Variants in BLOC1S4 observed in about 807,000 individuals in gnomAD.
BLOC1S4 encodes the protein biogenesis of lysosome-related organelles complex 1 subunit 4.
For synonymous variants in BLOC1S4, 179 were observed against 143.7 expected (o/e 1.25, Z -1.76); for missense variants, 332 against 308.8 (o/e 1.07, Z -0.56).
In BLOC1S4 at chr4:6,716,644, G is replaced by T. The variant is rs775259502; in HGVS notation, c.435G>T (p.Val145=). Residue 145 remains valine (V), a synonymous_variant, in exon 1 of 1, where the codon GTG becomes GTT. Transcript: ENST00000320776. ...IDRLEAFVRM[V]GGRVARMEEQ... ...GGCTGGAGGCCTTCGTGAGGATGGT[G>T]GGGGGCCGCGTGGCCAGGATGGAGG... 3 of 1,609,350 alleles carry T rather than the reference G, an allele frequency of 1.9e-6. No homozygotes were observed. Among genetic ancestry groups the T allele is most frequent in the Non-Finnish European group, 1.7e-6 (2 of 1,179,562 alleles).
Position 6,716,375 on chromosome 4 carries a change from C to G in BLOC1S4, c.166C>G (p.Arg56Gly). The change falls in exon 1 of 1, where the codon CGC (arginine) becomes GGC (glycine). Residue 56 changes from arginine (R) to glycine (G), a missense_variant. By Grantham distance (125) the Arg-to-Gly change is moderately radical (BLOSUM62 -2). Transcript: ENST00000320776. Reference sequence around the variant, plus strand: ...GGGCGCGGAGGACGGCGCGCCGGGCCGCGACCTGCCGCTGCTTCGCCGCGC... The same window carrying G: ...GGGCGCGGAGGACGGCGCGCCGGGCGGCGACCTGCCGCTGCTTCGCCGCGC... ...DEGAEDGAPGRDLPLLRRAAA... is the reference protein window; with the variant it reads ...DEGAEDGAPGGDLPLLRRAAA... 8.1e-7 allele frequency: 1 copy of G among 1,237,218 alleles called. No homozygotes were observed. Among genetic ancestry groups the G allele is most frequent in the Non-Finnish European group, 1.0e-6 (1 of 993,518 alleles). The allele number at this position is 1,237,218 out of a possible 1,614,324, so 76.6% of individuals were successfully genotyped here.
chr4:6,716,766 C>G lies in BLOC1S4; in HGVS notation c.557C>G (p.Ser186Cys). 2 of 1,614,042 alleles carry G rather than the reference C, an allele frequency of 1.2e-6. No homozygotes were observed. The highest frequency in any genetic ancestry group is 1.7e-6 in the Non-Finnish European group (2 of 1,179,964). Residue 186 changes from serine to cysteine, a missense_variant, in exon 1 of 1, where the codon TCT (serine) becomes TGT (cysteine). Ser to Cys is a moderately radical substitution (Grantham distance 112, BLOSUM62 -1). Coordinates refer to ENST00000320776, the MANE Select transcript of BLOC1S4 (RefSeq NM_018366.3). Reference sequence around the variant, plus strand: ...AACGTGCCCTCGCTCTTTAGCAAGTCTGCTCCCTCGAGGCCACAGCAAGCC... The same window carrying G: ...AACGTGCCCTCGCTCTTTAGCAAGTGTGCTCCCTCGAGGCCACAGCAAGCC... ...TMNVPSLFSKSAPSRPQQAGY... is the reference protein window; with the variant it reads ...TMNVPSLFSKCAPSRPQQAGY...
chr4:6,716,233 C>T lies in BLOC1S4; in HGVS notation c.24C>T (p.Gly8=), dbSNP rs1330608265. Residue 8 remains glycine (G), a synonymous_variant, in exon 1 of 1, where the codon GGC becomes GGT. Coordinates refer to ENST00000320776, the MANE Select transcript of BLOC1S4 (RefSeq NM_018366.3). MEGSFSD[G]GALPEGLAEE... ...CCATGGAGGGTAGCTTTTCGGATGG[C>T]GGAGCGCTGCCGGAGGGGCTCGCGG... 8.1e-7 allele frequency: 1 copy of T among 1,234,342 alleles called. No individual in the cohort carries two copies. The allele number at this position is 1,234,342 out of a possible 1,614,324, so 76.5% of individuals were successfully genotyped here.
chr4:6,716,489 AC>A lies in BLOC1S4; in HGVS notation c.282del (p.Arg95GlufsTer48), dbSNP rs1714910072. 8.5e-6 allele frequency: 13 copies of A among 1,537,536 alleles called. No individual in the cohort carries two copies. Among genetic ancestry groups the A allele is most frequent in the Non-Finnish European group, 9.6e-6 (11 of 1,146,784 alleles). On this transcript the variant is annotated frameshift_variant, in exon 1 of 1. Coordinates refer to ENST00000320776, the MANE Select transcript of BLOC1S4 (RefSeq NM_018366.3). LOFTEE classifies it low-confidence loss of function (END_TRUNC). ...GGACGCGAGCCTAGAGGACCTGCTT[AC>A]CAGAGTGGACGAGTTCGTGGGCATG... ...ALDASLEDLLTRVDEFVGMLD... is the reference protein window; with the variant it reads ...ALDASLEDLLXRVDEFVGMLD...
Position 6,716,450 on chromosome 4 carries a change from G to A in BLOC1S4, c.241G>A (p.Glu81Lys), listed in dbSNP as rs1208530368. 1 of 1,532,652 alleles carries A rather than the reference G, an allele frequency of 6.5e-7. No individual in the cohort carries two copies. The highest frequency in any genetic ancestry group is 2.0e-5 in the Admixed American group (1 of 50,796). 94.9% of individuals were successfully genotyped at this position (1,532,652 alleles called of 1,614,324 possible). A position where few individuals can be genotyped will look rare whatever the true frequency, so the allele number is the denominator to read the frequency against. Residue 81 changes from glutamate (E) to lysine (K), a missense_variant, in exon 1 of 1, where the codon GAG becomes AAG. Coordinates refer to ENST00000320776, the MANE Select transcript of BLOC1S4 (RefSeq NM_018366.3). Reference sequence around the variant, plus strand: ...GCTGCCCGGGGCCGGGGCGCGGCCCGAGGTCGAGGCCCTGGACGCGAGCCT... The same window carrying A: ...GCTGCCCGGGGCCGGGGCGCGGCCCAAGGTCGAGGCCCTGGACGCGAGCCT... ...CLLPGAGARP[E>K]VEALDASLED...
chr4:6,716,933 C>T lies in BLOC1S4; in HGVS notation c.*70C>T. The T allele has an allele frequency of 7.4e-7, 1 of 1,344,146 alleles. No homozygotes were observed. The highest frequency in any genetic ancestry group is 1.0e-6 in the Non-Finnish European group (1 of 992,000). The allele number at this position is 1,344,146 out of a possible 1,614,324, so 83.3% of individuals were successfully genotyped here. On this transcript the variant is annotated 3_prime_UTR_variant, in exon 1 of 1. Transcript: ENST00000320776. ...CTCCAGTATGAAGTGAATTGCAAATCCTGCTTATGGACATATATGATGTTG... is the reference window on the plus strand; with the variant it reads ...CTCCAGTATGAAGTGAATTGCAAATTCTGCTTATGGACATATATGATGTTG...
At position 6,717,287 on chromosome 4, in the gene BLOC1S4, G is replaced by C. The variant is rs1714937792; in HGVS notation, c.*424G>C. ...TTATTTTTATGGATTTTACTAAATG[G>C]CGTTACCTTTTCAAGATTTATATGT... On this transcript the variant is annotated 3_prime_UTR_variant, in exon 1 of 1. Transcript: ENST00000320776. 1 of 169,636 alleles carries C rather than the reference G, an allele frequency of 5.9e-6. No homozygotes were observed. The highest frequency in any genetic ancestry group is 1.4e-5 in the Non-Finnish European group (1 of 69,896). The allele number at this position is 169,636 out of a possible 1,614,324, so 10.5% of individuals were successfully genotyped here.
rs1714941484 is a variant in BLOC1S4 at position 6,717,425 on chromosome 4, A to T, written c.*562A>T. 1 of 166,448 alleles carries T rather than the reference A, an allele frequency of 6.0e-6. No homozygotes were observed. Among genetic ancestry groups the T allele is most frequent in the Non-Finnish European group, 1.5e-5 (1 of 68,090 alleles). 10.3% of individuals were successfully genotyped at this position (166,448 alleles called of 1,614,324 possible). A position where few individuals can be genotyped will look rare whatever the true frequency, so the allele number is the denominator to read the frequency against. On this transcript the variant is annotated 3_prime_UTR_variant, in exon 1 of 1. Transcript: ENST00000320776. ...GGTACATTATTTAATATTATATTAA[A>T]CCTCCTATAGCGTGGATTGTAGACC...
chr4:6,717,337 C>T lies in BLOC1S4; in HGVS notation c.*474C>T, dbSNP rs1013740624. The T allele has an allele frequency of 6.1e-6, 1 of 162,934 alleles. No homozygotes were observed. Among genetic ancestry groups the T allele is most frequent in the African/African-American group, 2.5e-5 (1 of 40,780 alleles). 10.1% of individuals were successfully genotyped at this position (162,934 alleles called of 1,614,324 possible). ...TTTGTATAATCATAAGAAAATTGAG[C>T]CATTAAAGCCTTGTTATTCAATCCT... On this transcript the variant is annotated 3_prime_UTR_variant, in exon 1 of 1. Transcript: ENST00000320776.
chr4:6,716,385 C>T lies in BLOC1S4; in HGVS notation c.176C>T (p.Pro59Leu). The change falls in exon 1 of 1, where the codon CCG becomes CTG. Residue 59 changes from proline to leucine, a missense_variant. By Grantham distance (98) the Pro-to-Leu change is moderately conservative (BLOSUM62 -3). Coordinates refer to ENST00000320776, the MANE Select transcript of BLOC1S4 (RefSeq NM_018366.3). ...GACGGCGCGCCGGGCCGCGACCTGCCGCTGCTTCGCCGCGCCGCTGCGGGC... is the reference window on the plus strand; with the variant it reads ...GACGGCGCGCCGGGCCGCGACCTGCTGCTGCTTCGCCGCGCCGCTGCGGGC... ...AEDGAPGRDL[P>L]LLRRAAAGYA... is the part of the protein sequence containing the mutation. 3 of 1,244,654 alleles carry T rather than the reference C, an allele frequency of 2.4e-6. No individual in the cohort carries two copies. The highest frequency in any genetic ancestry group is 3.0e-6 in the Non-Finnish European group (3 of 997,700). 77.1% of individuals were successfully genotyped at this position (1,244,654 alleles called of 1,614,324 possible). A position where few individuals can be genotyped will look rare whatever the true frequency, so the allele number is the denominator to read the frequency against.
rs1466132433 is a variant in BLOC1S4 at position 6,717,485 on chromosome 4, G to A, written c.*622G>A. ...GGTACAATTTCTGAGAATATATGTT[G>A]ATTTTTTGTGACTAATTCCAAAGTT... On this transcript the variant is annotated 3_prime_UTR_variant, in exon 1 of 1. Coordinates refer to ENST00000320776, the MANE Select transcript of BLOC1S4 (RefSeq NM_018366.3). 1 of 166,694 alleles carries A rather than the reference G, an allele frequency of 6.0e-6. No homozygotes were observed. Among genetic ancestry groups the A allele is most frequent in the Non-Finnish European group, 1.5e-5 (1 of 68,090 alleles). The allele number at this position is 166,694 out of a possible 1,614,324, so 10.3% of individuals were successfully genotyped here.
chr4:6,716,579 A>G lies in BLOC1S4; in HGVS notation c.370A>G (p.Lys124Glu), dbSNP rs1714913769. The change falls in exon 1 of 1, where the codon AAG (lysine) becomes GAG (glutamate). Residue 124 changes from lysine (K) to glutamate (E), a missense_variant. Coordinates refer to ENST00000320776, the MANE Select transcript of BLOC1S4 (RefSeq NM_018366.3). ...CGAGGGCGTGCCGCGCATCCACGCG[A>G]AGGCCGCCGAGATGCGGCGCATCTA... ...VSEGVPRIHA[K>E]AAEMRRIYSR... The G allele has an allele frequency of 6.3e-7, 1 of 1,593,280 alleles. No individual in the cohort carries two copies. The highest frequency in any genetic ancestry group is 8.5e-7 in the Non-Finnish European group (1 of 1,174,066).
Position 6,716,479 on chromosome 4 carries a change from G to A in BLOC1S4, c.270G>A (p.Glu90=), listed in dbSNP as rs1398150721. 18 of 1,536,604 alleles carry A rather than the reference G, an allele frequency of 1.2e-5. No homozygotes were observed. Among genetic ancestry groups the A allele is most frequent in the Non-Finnish European group, 1.6e-5 (18 of 1,146,668 alleles). Residue 90 remains glutamate, a synonymous_variant, in exon 1 of 1, where the codon GAG becomes GAA. Transcript: ENST00000320776. ...TCGAGGCCCTGGACGCGAGCCTAGA[G>A]GACCTGCTTACCAGAGTGGACGAGT... is the stretch of plus-strand genomic sequence containing the variant. ...PEVEALDASL[E]DLLTRVDEFV... is the part of the protein sequence containing the mutation.
In BLOC1S4 at chr4:6,716,637, G is replaced by C. The variant is rs374908213; in HGVS notation, c.428G>C (p.Arg143Thr). ...ATCGACCGGCTGGAGGCCTTCGTGA[G>C]GATGGTGGGGGGCCGCGTGGCCAGG... ...SRIDRLEAFVRMVGGRVARME... is the reference protein window; with the variant it reads ...SRIDRLEAFVTMVGGRVARME... The change falls in exon 1 of 1, where the codon AGG (arginine) becomes ACG (threonine). Residue 143 changes from arginine to threonine, a missense_variant. Physicochemically the swap from Arg to Thr is moderately conservative, Grantham distance 71. Coordinates refer to ENST00000320776, the MANE Select transcript of BLOC1S4 (RefSeq NM_018366.3). 2.2e-4 allele frequency: 346 copies of C among 1,609,272 alleles called. No individual in the cohort carries two copies. The highest frequency in any genetic ancestry group is 2.8e-4 in the Non-Finnish European group (330 of 1,179,536).
At position 6,716,768 on chromosome 4, in the gene BLOC1S4, G is replaced by A; in HGVS notation, c.559G>A (p.Ala187Thr). 1 of 1,613,932 alleles carries A rather than the reference G, an allele frequency of 6.2e-7. No homozygotes were observed. The highest frequency in any genetic ancestry group is 1.1e-5 in the South Asian group (1 of 91,064). The change falls in exon 1 of 1, where the codon GCT (alanine) becomes ACT (threonine). Residue 187 changes from alanine to threonine, a missense_variant. Physicochemically the swap from Ala to Thr is moderately conservative, Grantham distance 58. Transcript: ENST00000320776. ...MNVPSLFSKSAPSRPQQAGYE... is the reference protein window; with the variant it reads ...MNVPSLFSKSTPSRPQQAGYE... ...CGTGCCCTCGCTCTTTAGCAAGTCTGCTCCCTCGAGGCCACAGCAAGCCGG... is the reference window on the plus strand; with the variant it reads ...CGTGCCCTCGCTCTTTAGCAAGTCTACTCCCTCGAGGCCACAGCAAGCCGG...
In BLOC1S4 at chr4:6,717,114, A is replaced by C; in HGVS notation, c.*251A>C. ...GTTCGGAAACTCCTGGGCTCAAGTG[A>C]TCCTTCCACCTCAGCCTCCCCAGTA... is the stretch of plus-strand genomic sequence containing the variant. On this transcript the variant is annotated 3_prime_UTR_variant, in exon 1 of 1. Transcript: ENST00000320776. 2 of 345,482 alleles carry C rather than the reference A, an allele frequency of 5.8e-6. No homozygotes were observed. Among genetic ancestry groups the C allele is most frequent in the South Asian group, 5.5e-5 (1 of 18,154 alleles). The allele number at this position is 345,482 out of a possible 1,614,324, so 21.4% of individuals were successfully genotyped here. A position where few individuals can be genotyped will look rare whatever the true frequency, so the allele number is the denominator to read the frequency against.
chr4:6,716,604 A>G lies in BLOC1S4; in HGVS notation c.395A>G (p.Tyr132Cys), dbSNP rs1381409612. The change falls in exon 1 of 1, where the codon TAC (tyrosine) becomes TGC (cysteine). Residue 132 changes from tyrosine to cysteine, a missense_variant. Tyr to Cys is a radical substitution (Grantham distance 194, BLOSUM62 -2). Transcript: ENST00000320776. ...HAKAAEMRRI[Y>C]SRIDRLEAFV... ...AAGGCCGCCGAGATGCGGCGCATCT[A>G]CAGCAGGATCGACCGGCTGGAGGCC... The G allele has an allele frequency of 7.5e-6, 12 of 1,605,622 alleles. No homozygotes were observed. The highest frequency in any genetic ancestry group is 1.7e-5 in the Admixed American group (1 of 59,762).
rs530613836 is a variant in BLOC1S4 at position 6,716,397 on chromosome 4, G to A, written c.188G>A (p.Arg63His). ...GGCCGCGACCTGCCGCTGCTTCGCC[G>A]CGCCGCTGCGGGCTACGCCGCCTGC... ...APGRDLPLLR[R>H]AAAGYAACLL... Residue 63 changes from arginine (R) to histidine (H), a missense_variant, in exon 1 of 1, where the codon CGC (arginine) becomes CAC (histidine). Coordinates refer to ENST00000320776, the MANE Select transcript of BLOC1S4 (RefSeq NM_018366.3). 1,742 of 1,262,954 alleles carry A rather than the reference G, an allele frequency of 1.4e-3. 9 individuals carry two copies. Among genetic ancestry groups the A allele is most frequent in the Middle Eastern group, 8.4e-3 (34 of 4,028 alleles). 78.2% of individuals were successfully genotyped at this position (1,262,954 alleles called of 1,614,324 possible).
At position 6,716,944 on chromosome 4, in the gene BLOC1S4, A is replaced by G. The variant is rs1714928549; in HGVS notation, c.*81A>G. On this transcript the variant is annotated 3_prime_UTR_variant, in exon 1 of 1. Transcript: ENST00000320776. ...AGTGAATTGCAAATCCTGCTTATGG[A>G]CATATATGATGTTGGAGTGTGGGAT... The G allele has an allele frequency of 1.6e-6, 2 of 1,265,696 alleles. No individual in the cohort carries two copies. The highest frequency in any genetic ancestry group is 5.5e-5 in the Admixed American group (2 of 36,350). 78.4% of individuals were successfully genotyped at this position (1,265,696 alleles called of 1,614,324 possible). A position where few individuals can be genotyped will look rare whatever the true frequency, so the allele number is the denominator to read the frequency against.
Sources: gnomAD v4.1 joint callset for allele counts on GRCh38, gnomAD v4.1.1 for gene constraint, MANE v1.5 for transcripts, NCBI Gene and HGNC (gene_info 2026-07-23, HGNC 2026-07-21) for gene names.